Variants in CSMD1 observed in about 807,000 individuals in gnomAD.
CSMD1 encodes the protein CUB and Sushi multiple domains 1.
A neutral mutation model predicts 417.5 loss-of-function variants in CSMD1; 213 were observed. The ratio of observed to expected loss-of-function variants is 0.51; its 90% CI spans 0.46 to 0.57. The LOEUF is 0.57. CSMD1 is among the 20% of genes least tolerant of loss of function. The pLI is 0.00. For missense variants in CSMD1, 6,923 were observed against 4,529.7 expected (o/e 1.53, Z -15.17); for synonymous variants, 2,862 against 1,736.8 (o/e 1.65, Z -16.11).
chr8:3,063,052 T>C (rs896343200), intron 49 of CSMD1, among the ~76,000 whole-genome samples: 1 of 152,136 alleles, frequency 6.6e-6, no homozygotes, highest in Non-Finnish European at 1.5e-5. Flanking sequence ...CAACCACCAA[T>C]GTCCTATGGA....
chr8:3,653,411 C>T (rs965310141), intron 7 of CSMD1, among the ~76,000 whole-genome samples: 9 of 152,182 alleles, frequency 5.9e-5, no homozygotes, highest in East Asian at 5.8e-4. Flanking sequence ...TGGATTCAAA[C>T]GATTGTCCTG....
At chr8:3,996,742 T>C (rs1248933155) in intron 5 of CSMD1, among the ~76,000 whole-genome samples, 2 of 152,222 alleles carry the variant, frequency 1.3e-5, no homozygotes, top group African/African-American at 4.8e-5. Flanking sequence ...TTGTTTGGTT[T>C]CTTCCTCCCT....
intron 2 of CSMD1, among the ~76,000 whole-genome samples, chr8:4,480,610 T>G (rs956553326): frequency 3.3e-5 from 5 of 152,200 alleles, no homozygotes; most frequent in Non-Finnish European, 7.3e-5. Context: ...CAAGAATGCA[T>G]GAGAAACAAA....
intron 3 of CSMD1, among the ~76,000 whole-genome samples, chr8:4,149,127 C>G (rs1796436717): frequency 6.6e-6 from 1 of 152,186 alleles, no homozygotes; most frequent in South Asian, 2.1e-4. Flanking sequence ...CCACACCCAG[C>G]TAATTTTTCT....
At chr8:4,731,430 T>C (rs1467348188) in intron 1 of CSMD1, among the ~76,000 whole-genome samples, 1 of 152,214 alleles carries the variant, frequency 6.6e-6, no homozygotes, top group Non-Finnish European at 1.5e-5. Context: ...TGGAGTATCT[T>C]GGTCATTTAT....
In CSMD1 at chr8:4,773,392, G is replaced by A. The variant is rs150858363; in HGVS notation, c.86-135834C>T. Among the ~76,000 whole-genome samples the A allele has an allele frequency of 3.5e-3, 530 of 152,220 alleles. 4 individuals are homozygous for A. Among genetic ancestry groups the A allele is most frequent in the African/African-American group, 0.012 (502 of 41,534 alleles). On this transcript the variant is annotated intron_variant, in intron 1 of 69. Transcript: ENST00000635120. ...AGAAACTGACCAGAAAATCCCAATA[G>A]CTCCTTGTTTCTGCAGCAGTTGCTT...
At chr8:4,702,348 C>A (rs950748985) in intron 1 of CSMD1, among the ~76,000 whole-genome samples, 1 of 152,194 alleles carries the variant, frequency 6.6e-6, no homozygotes, top group South Asian at 2.1e-4. Flanking sequence ...CTTTGCTAAA[C>A]TGACCCTCCT....
rs73661519 is a variant in CSMD1, at chr8:4,541,209, C to A, written c.302+96133G>T. The stretch of plus-strand genomic sequence containing the variant: ...CAGCTGCATCTAGGGACTGGAAGTC[C>A]CATCTCTGCTTTGCCAGTAACTACT... On this transcript the variant is annotated intron_variant, in intron 2 of 69. Transcript: ENST00000635120. 2.3e-3 allele frequency among the ~76,000 whole-genome samples: 345 copies of A among 152,162 alleles called. 4 individuals are homozygous for A. The highest frequency in any genetic ancestry group is 7.8e-3 in the African/African-American group (323 of 41,500).
At chr8:3,928,164 T>A (rs1809879195) in intron 5 of CSMD1, among the ~76,000 whole-genome samples, 1 of 152,140 alleles carries the variant, frequency 6.6e-6, no homozygotes, top group African/African-American at 2.4e-5. Flanking sequence ...TACATTTCAA[T>A]GAAGCAGCTC....
At chr8:4,747,490 G>A (rs761379371) in intron 1 of CSMD1, among the ~76,000 whole-genome samples, 1 of 152,164 alleles carries the variant, frequency 6.6e-6, no homozygotes, top group Non-Finnish European at 1.5e-5. Context: ...GCCCTCCTAA[G>A]TAGAGAAACA....
At chr8:3,771,228 G>C (rs1040866226) in intron 5 of CSMD1, among the ~76,000 whole-genome samples, 1 of 152,116 alleles carries the variant, frequency 6.6e-6, no homozygotes, top group Non-Finnish European at 1.5e-5. Context: ...TTGGGGTTTT[G>C]AAATCGTGTT....
intron 5 of CSMD1, among the ~76,000 whole-genome samples, chr8:3,867,263 C>G (rs1805168724): frequency 6.6e-6 from 1 of 152,050 alleles, no homozygotes; most frequent in Non-Finnish European, 1.5e-5. Context: ...GAAGCAAGAC[C>G]ATACCATTAC....
At chr8:4,981,058 G>C (rs751757497) in intron 1 of CSMD1, among the ~76,000 whole-genome samples, 1 of 152,164 alleles carries the variant, frequency 6.6e-6, no homozygotes, top group Non-Finnish European at 1.5e-5. Context: ...AGATTCAAGC[G>C]TGAACACCAT....
intron 12 of CSMD1, among the ~76,000 whole-genome samples, chr8:3,430,192 C>T (rs1814129224): frequency 6.6e-6 from 1 of 152,048 alleles, no homozygotes; most frequent in South Asian, 2.1e-4. Context: ...CTCATCTTCC[C>T]TCTTTGATAC....
intron 5 of CSMD1, among the ~76,000 whole-genome samples, chr8:3,970,884 T>A (rs1255387285): frequency 6.6e-6 from 1 of 152,092 alleles, no homozygotes. Flanking sequence ...CCTGAGTAGC[T>A]GGGATTACAG....
chr8:4,079,661 C>T (rs1010029738), intron 3 of CSMD1, among the ~76,000 whole-genome samples: 2 of 152,226 alleles, frequency 1.3e-5, no homozygotes, highest in African/African-American at 4.8e-5. Flanking sequence ...TTTCAGCGTT[C>T]TTGTGGGTTC....
chr8:4,593,463 G>C (rs1351622858), intron 2 of CSMD1, among the ~76,000 whole-genome samples: 1 of 152,122 alleles, frequency 6.6e-6, no homozygotes, highest in African/African-American at 2.4e-5. Flanking sequence ...TGGCCATTTA[G>C]TGAAAGTGAA....
intron 5 of CSMD1, among the ~76,000 whole-genome samples, chr8:3,765,517 C>G (rs1333583658): frequency 2.6e-5 from 4 of 152,240 alleles, no homozygotes; most frequent in African/African-American, 7.2e-5. Context: ...GGTGCTAACT[C>G]AGACATCTTC....
intron 5 of CSMD1, among the ~76,000 whole-genome samples, 182 bp downstream of exon 5, chr8:3,997,721 T>C (rs1815324623): frequency 6.6e-6 from 1 of 152,212 alleles, no homozygotes; most frequent in South Asian, 2.1e-4. Flanking sequence ...AAAGACATCT[T>C]AGAAACTTTG....
Sources: gnomAD v4.1 joint callset for allele counts (sites outside exome capture counted in the v4.1 genomes callset) on GRCh38, gnomAD v4.1.1 for gene constraint, MANE v1.5 for transcripts, NCBI Gene and HGNC (gene_info 2026-07-23, HGNC 2026-07-21) for gene names.